Variants in MRPL2 observed in about 807,000 individuals in gnomAD.
MRPL2 encodes mitochondrial ribosomal protein L2, also known as large ribosomal subunit protein uL2m.
A neutral mutation model predicts 34.6 loss-of-function variants in MRPL2; 27 were observed. That is an observed-to-expected ratio of 0.78 (90% CI 0.58 to 1.08). The LOEUF (loss-of-function observed/expected upper bound fraction) is 1.08. Ranked by LOEUF, MRPL2 falls within the 50% of genes least tolerant of loss-of-function variation. The pLI is 0.00. For missense variants in MRPL2, 414 were observed against 419.3 expected (o/e 0.99, Z 0.11); for synonymous variants, 155 against 158.0 (o/e 0.98, Z 0.14).
intron 1 of MRPL2, chr6:43,058,890 G>A (rs914552758): frequency 6.2e-6 from 3 of 487,434 alleles, no homozygotes; most frequent in Non-Finnish European, 1.1e-5. Flanking sequence ...AGACTGTTTA[G>A]CTCTGATAGT....
intron 1 of MRPL2, chr6:43,059,078 T>C: frequency 6.8e-7 from 1 of 1,477,188 alleles, no homozygotes; most frequent in Non-Finnish European, 9.1e-7. Flanking sequence ...TGCAAAGCAC[T>C]TTCACCTTAA....
chr6:43,059,023 T>A, intron 1 of MRPL2: 10 of 1,000,810 alleles, frequency 1.0e-5, no homozygotes, highest in Non-Finnish European at 1.2e-5. Flanking sequence ...TGGCTTATCA[T>A]AGGCACTCGA....
chr6:43,056,078 C>T lies in MRPL2; in HGVS notation c.520+3G>A, dbSNP rs1764869638. On this transcript the variant is annotated splice_donor_region_variant and intron_variant, in intron 4 of 6. Coordinates refer to ENST00000388752, the MANE Select transcript of MRPL2 (RefSeq NM_015950.5). ...GCCCACACATCTGGTAGCCATCTCT[C>T]ACCTGCCATTCGGCCTATGTGGTTA... 1 of 1,614,208 alleles carries T rather than the reference C, an allele frequency of 6.2e-7. No individual in the cohort carries two copies. Among genetic ancestry groups the T allele is most frequent in the Non-Finnish European group, 8.5e-7 (1 of 1,180,034 alleles).
At chr6:43,059,694 T>A, upstream of MRPL2, 1 of 1,318,140 alleles carries the variant, frequency 7.6e-7, no homozygotes, top group Non-Finnish European at 9.7e-7. Context: ...AGGTGAGTCT[T>A]TGAGGGTATC....
rs186240386 is a variant in MRPL2, at chr6:43,059,420, C to A, written c.-39G>T. On this transcript the variant is annotated 5_prime_UTR_variant, in exon 1 of 7. Transcript: ENST00000388752. ...TTACTTTTAGCCAAGCTGCTCGGTG[C>A]TCCTAGATGACGTTGACTGTCCGGC... The A allele has an allele frequency of 6.6e-7, 1 of 1,507,080 alleles. No homozygotes were observed. Among genetic ancestry groups the A allele is most frequent in the Non-Finnish European group, 8.9e-7 (1 of 1,122,612 alleles). The allele number at this position is 1,507,080 out of a possible 1,614,324, so 93.4% of individuals were successfully genotyped here.
rs71547829 is a variant in MRPL2 at position 43,054,318 on chromosome 6, T to TG, written c.873dup (p.Met292HisfsTer64). On this transcript the variant is annotated frameshift_variant, in exon 7 of 7. Coordinates refer to ENST00000388752, the MANE Select transcript of MRPL2 (RefSeq NM_015950.5). LOFTEE classifies it high-confidence loss of function. ...GAAGGCAGCTTCACGTAACTCTTCA[T>TG]GGGGGGTAGTGGCCGAATCTTTCGG... 3.1e-6 allele frequency: 5 copies of TG among 1,611,572 alleles called. No homozygotes were observed. The South Asian group carries it at 4.4e-5, about 14-fold the overall frequency.
Position 43,055,961 on chromosome 6 carries a change from C to T in MRPL2, c.567G>A (p.Val189=). 6.2e-7 allele frequency: 1 copy of T among 1,614,136 alleles called. No individual in the cohort carries two copies. Among genetic ancestry groups the T allele is most frequent in the South Asian group, 1.1e-5 (1 of 91,088 alleles). The change falls in exon 5 of 7, where the codon GTG becomes GTA. Residue 189 remains valine, a synonymous_variant. Transcript: ENST00000388752. ...GDAHPLGALP[V]GTLINNVESE... ...TTTCCACGTTGTTGATGAGGGTCCC[C>T]ACAGGCAGAGCCCCAAGAGGATGCG...
upstream of MRPL2, chr6:43,059,752 C>T (rs996804901): frequency 1.6e-6 from 2 of 1,214,434 alleles, no homozygotes; most frequent in Non-Finnish European, 2.1e-6. Flanking sequence ...CTCGCACTAC[C>T]AGAAAGATGA....
chr6:43,056,089 C>T lies in MRPL2; in HGVS notation c.512G>A (p.Arg171Gln), dbSNP rs532734983. The T allele has an allele frequency of 8.5e-5, 137 of 1,614,070 alleles. No individual in the cohort carries two copies. The highest frequency in any genetic ancestry group is 1.1e-4 in the Non-Finnish European group (130 of 1,180,036). The change falls in exon 4 of 7, where the codon CGA (arginine) becomes CAA (glutamine). Residue 171 changes from arginine to glutamine, a missense_variant. Arg to Gln is a conservative substitution (Grantham distance 43). Coordinates refer to ENST00000388752, the MANE Select transcript of MRPL2 (RefSeq NM_015950.5). The part of the protein sequence containing the change: ...DTILNSNHIG[R>Q]MAVAAREGDA... ...TGGTAGCCATCTCTCACCTGCCATT[C>T]GGCCTATGTGGTTAGAGTTCAAGAT...
chr6:43,058,353 C>T, intron 1 of MRPL2, 120 bp from the exon 2 acceptor site: 1 of 907,522 alleles, frequency 1.1e-6, no homozygotes, highest in East Asian at 2.6e-5. Flanking sequence ...GGATGTATCC[C>T]AAACCAGCTA....
chr6:43,055,822 C>A, intron 5 of MRPL2, 75 bp downstream of exon 5: 1 of 1,426,412 alleles, frequency 7.0e-7, no homozygotes, highest in Middle Eastern at 2.0e-4. Context: ...CTGCCAGTAC[C>A]AGATGTGGAA....
At position 43,055,568 on chromosome 6, in the gene MRPL2, G is replaced by A. The variant is rs1449890387; in HGVS notation, c.682C>T (p.Leu228=). 2 of 1,614,074 alleles carry A rather than the reference G, an allele frequency of 1.2e-6. No individual in the cohort carries two copies. The highest frequency in any genetic ancestry group is 1.7e-6 in the Non-Finnish European group (2 of 1,180,034). The change falls in exon 6 of 7, where the codon CTG becomes TTG. Residue 228 remains leucine, a synonymous_variant. Coordinates refer to ENST00000388752, the MANE Select transcript of MRPL2 (RefSeq NM_015950.5). ...RKVNGTAIIQ[L]PSKRQMQVLE... is the part of the protein sequence containing the mutation. ...ACCTGCATCTGCCTCTTAGAGGGCA[G>A]CTGGATAATGGCTGTGCCATTCACC... is the stretch of plus-strand genomic sequence containing the variant.
chr6:43,058,834 T>C (rs764108821), intron 1 of MRPL2, among the ~76,000 whole-genome samples: 33 of 152,350 alleles, frequency 2.2e-4, no homozygotes, highest in Non-Finnish European at 3.5e-4. Flanking sequence ...AACTCATCCT[T>C]GCAGGCATCA....
At chr6:43,059,848 C>T, upstream of MRPL2, 1 of 1,192,530 alleles carries the variant, frequency 8.4e-7, no homozygotes, top group Non-Finnish European at 1.0e-6. Flanking sequence ...GGCGTCCAGA[C>T]AGATAGACAG....
upstream of MRPL2, chr6:43,059,540 C>T (rs1765023576): frequency 7.0e-7 from 1 of 1,428,602 alleles, no homozygotes; most frequent in Non-Finnish European, 9.1e-7. Context: ...CCGTGAGAGC[C>T]AATCCGCGGG....
chr6:43,056,504 C>A (rs1581986113), intron 2 of MRPL2, 59 bp from the exon 3 acceptor site: 3 of 1,601,646 alleles, frequency 1.9e-6, no homozygotes, highest in Admixed American at 1.7e-5. Flanking sequence ...GTTTCCAGCA[C>A]TGGGAACTGG....
intron 6 of MRPL2, among the ~76,000 whole-genome samples, chr6:43,055,082 G>C (rs1288958948): frequency 2.0e-5 from 3 of 150,880 alleles, no homozygotes; most frequent in Admixed American, 6.6e-5. Flanking sequence ...AAATTAAGTA[G>C]GGCCGGGTGT....
chr6:43,054,229 A>T lies in MRPL2; in HGVS notation c.*45T>A. 1 of 1,253,972 alleles carries T rather than the reference A, an allele frequency of 8.0e-7. No homozygotes were observed. The highest frequency in any genetic ancestry group is 1.1e-6 in the Non-Finnish European group (1 of 918,044). 77.7% of individuals were successfully genotyped at this position (1,253,972 alleles called of 1,614,324 possible). ...ACACCCAAAACAAAACCACAGTAAC[A>T]GATTAAAACGGGGGGGGGGGGCATT... On this transcript the variant is annotated 3_prime_UTR_variant, in exon 7 of 7. Coordinates refer to ENST00000388752, the MANE Select transcript of MRPL2 (RefSeq NM_015950.5).
Position 43,054,327 on chromosome 6 carries a change from G to A in MRPL2, c.865C>T (p.Leu289=), listed in dbSNP as rs750376478. The A allele has an allele frequency of 6.2e-7, 1 of 1,613,630 alleles. No homozygotes were observed. The highest frequency in any genetic ancestry group is 8.5e-7 in the Non-Finnish European group (1 of 1,179,940). ...GGWAGRKIRP[L]PPMKSYVKLP... is the part of the protein sequence containing the mutation. ...TTCACGTAACTCTTCATGGGGGGTAGTGGCCGAATCTTTCGGCCAGCCCAG... is the reference window on the plus strand; with the variant it reads ...TTCACGTAACTCTTCATGGGGGGTAATGGCCGAATCTTTCGGCCAGCCCAG... Residue 289 remains leucine (L), a synonymous_variant, in exon 7 of 7, where the codon CTA becomes TTA. Transcript: ENST00000388752.
Sources: gnomAD v4.1 joint callset for allele counts (sites outside exome capture counted in the v4.1 genomes callset) on GRCh38, gnomAD v4.1.1 for gene constraint, MANE v1.5 for transcripts, NCBI Gene and HGNC (gene_info 2026-07-23, HGNC 2026-07-21) for gene names.